Variants in INPP4A observed in about 807,000 individuals in gnomAD.
INPP4A encodes the protein inositol polyphosphate-4-phosphatase type I A.
Under a neutral mutation model 119.8 loss-of-function variants are expected in INPP4A, and 33 were observed. The ratio of observed to expected loss-of-function variants is 0.28; its 90% CI spans 0.21 to 0.37. The LOEUF (loss-of-function observed/expected upper bound fraction) is 0.37. INPP4A is among the 10% of genes least tolerant of loss of function. The pLI, the probability that INPP4A is intolerant of heterozygous loss-of-function variation, is 1.00. For missense variants in INPP4A, 956 were observed against 1,289.9 expected (o/e 0.74, Z 3.97); for synonymous variants, 496 against 500.7 (o/e 0.99, Z 0.12).
At chr2:98,534,461 T>C (rs1482823398) in intron 5 of INPP4A, among the ~76,000 whole-genome samples, 1 of 152,224 alleles carries the variant, frequency 6.6e-6, no homozygotes, top group Non-Finnish European at 1.5e-5. Context: ...CATGAAATTC[T>C]ACTTCAGTAT....
chr2:98,487,009 G>A (rs1679692554), intron 1 of INPP4A, among the ~76,000 whole-genome samples: 1 of 152,234 alleles, frequency 6.6e-6, no homozygotes, highest in African/African-American at 2.4e-5. Context: ...GCAAAGACTA[G>A]TTGATTCAGA....
At position 98,555,781 on chromosome 2, in the gene INPP4A, A is replaced by T. The variant is rs2278206; in HGVS notation, c.1795A>T (p.Thr599Ser). 2.6e-6 allele frequency: 4 copies of T among 1,568,630 alleles called. No individual in the cohort carries two copies. In the African/African-American group the frequency reaches 4.1e-5, roughly 16 times the overall value. Residue 599 changes from threonine (T) to serine (S), a missense_variant, in exon 16 of 25, where the codon ACT (threonine) becomes TCT (serine). Around this residue, in one of 2 missense-constraint regions of INPP4A, gnomAD observed 652 missense variants for 797.9 expected, o/e 0.82. Transcript: ENST00000409851. ...ACCATGCCCCTCCACCATGCCCTCC[A>T]CTGCATGCCATCCTCATCTGACCAC... Reference protein sequence around the residue: ...SSPCPSTMPSTACHPHLTTHC... With the variant: ...SSPCPSTMPSSACHPHLTTHC...
rs1694317595 is a variant in INPP4A at position 98,555,616 on chromosome 2, C to T, written c.1630C>T (p.Leu544=). Residue 544 remains leucine, a synonymous_variant, in exon 16 of 25, where the codon CTG becomes TTG. Coordinates refer to ENST00000409851, the MANE Select transcript of INPP4A (RefSeq NM_001134225.2). ...ECIIQRVDKL[L]QKERLHGEGC... is the part of the protein sequence containing the mutation. Reference sequence around the variant, plus strand: ...CATCATTCAGCGTGTGGACAAGCTGCTGCAGAAGGAGCGGCTGCATGGCGA... The same window carrying T: ...CATCATTCAGCGTGTGGACAAGCTGTTGCAGAAGGAGCGGCTGCATGGCGA... 1 of 1,608,120 alleles carries T rather than the reference C, an allele frequency of 6.2e-7. No individual in the cohort carries two copies. The highest frequency in any genetic ancestry group is 8.5e-7 in the Non-Finnish European group (1 of 1,176,574).
At chr2:98,543,820 G>A in intron 10 of INPP4A, 57 bp from the exon 11 acceptor site, 9 of 1,601,972 alleles carry the variant, frequency 5.6e-6, no homozygotes, top group Non-Finnish European at 6.8e-6. Context: ...GACCTCCTGG[G>A]CCTCTCTGGG....
intron 1 of INPP4A, among the ~76,000 whole-genome samples, chr2:98,516,788 G>T (rs1276052507): frequency 6.6e-6 from 1 of 152,132 alleles, no homozygotes; most frequent in Non-Finnish European, 1.5e-5. Flanking sequence ...AGAGAAGGAG[G>T]AAGACAGTTC....
At chr2:98,517,212 C>T (rs1191329593) in intron 1 of INPP4A, among the ~76,000 whole-genome samples, 4 of 152,154 alleles carry the variant, frequency 2.6e-5, no homozygotes, top group Non-Finnish European at 4.4e-5. Context: ...TAACTTTTCC[C>T]CTTGACGTTG....
intron 1 of INPP4A, among the ~76,000 whole-genome samples, chr2:98,480,900 C>T (rs991916035): frequency 2.0e-5 from 3 of 152,176 alleles, no homozygotes; most frequent in African/African-American, 2.4e-5. Flanking sequence ...GGCAGGGTGC[C>T]GCACACTCTG....
At position 98,520,157 on chromosome 2, in the gene INPP4A, G is replaced by A. The variant is rs1333667194; in HGVS notation, c.106+3G>A. On this transcript the variant is annotated splice_donor_region_variant and intron_variant, in intron 3 of 24. Transcript: ENST00000409851. The stretch of plus-strand genomic sequence containing the variant: ...CATGCTGGGCCTCTCTCTGGCAGGT[G>A]AGCCTCACAGGGCCTGCACCGGGCT... 1.3e-6 allele frequency: 2 copies of A among 1,553,924 alleles called. No individual in the cohort carries two copies. The highest frequency in any genetic ancestry group is 1.7e-6 in the Non-Finnish European group (2 of 1,147,916).
intron 22 of INPP4A, among the ~76,000 whole-genome samples, chr2:98,572,350 C>T (rs1045332047): frequency 6.6e-6 from 1 of 152,236 alleles, no homozygotes; most frequent in Non-Finnish European, 1.5e-5. Flanking sequence ...GTTCTCCTGG[C>T]ATGGGCCAAG....
rs1246679883 is a variant in INPP4A, at chr2:98,588,987, G to A, written c.*1379G>A. 1 of 184,422 alleles carries A rather than the reference G, an allele frequency of 5.4e-6. No homozygotes were observed. The highest frequency in any genetic ancestry group is 6.2e-5 in the Admixed American group (1 of 16,026). The allele number at this position is 184,422 out of a possible 1,614,324, so 11.4% of individuals were successfully genotyped here. Reference sequence around the variant, plus strand: ...AACAAACTTGGGCCAGGGGTGCTGAGGCATGGGGAGGACTGCTTATTGGCA... The same window carrying A: ...AACAAACTTGGGCCAGGGGTGCTGAAGCATGGGGAGGACTGCTTATTGGCA... On this transcript the variant is annotated 3_prime_UTR_variant, in exon 25 of 25. Transcript: ENST00000409851.
rs576212906 is a variant in INPP4A, at chr2:98,594,337, A to G, written c.*6729A>G. The G allele has an allele frequency of 1.3e-5, 2 of 152,366 alleles. No individual in the cohort carries two copies. The highest frequency in any genetic ancestry group is 1.9e-4 in the East Asian group (1 of 5,184). The allele number at this position is 152,366 out of a possible 1,614,324, so 9.4% of individuals were successfully genotyped here. ...TTTGTTCTTAACATACGAACATCCT[A>G]TTCACTTTTTGGTATACTGGTTGTT... On this transcript the variant is annotated 3_prime_UTR_variant, in exon 25 of 25. Coordinates refer to ENST00000409851, the MANE Select transcript of INPP4A (RefSeq NM_001134225.2).
intron 1 of INPP4A, among the ~76,000 whole-genome samples, chr2:98,453,161 G>A (rs1558858861): frequency 6.6e-6 from 1 of 152,190 alleles, no homozygotes; most frequent in Non-Finnish European, 1.5e-5. Flanking sequence ...AAACTAAAGA[G>A]TTGAGATATT....
chr2:98,493,263 C>T (rs1281868956), intron 1 of INPP4A, among the ~76,000 whole-genome samples: 6 of 152,036 alleles, frequency 3.9e-5, no homozygotes, highest in South Asian at 2.1e-4. Flanking sequence ...GAGCCCCCTA[C>T]GTGTCCAGGG....
At chr2:98,535,870 G>C (rs1260231143) in intron 6 of INPP4A, 25 bp downstream of exon 6, 4 of 1,182,500 alleles carry the variant, frequency 3.4e-6, no homozygotes, top group Non-Finnish European at 4.9e-6. Context: ...TGTAGTTCGT[G>C]GGATTTTCTT....
intron 13 of INPP4A, chr2:98,548,914 A>G: frequency 1.3e-6 from 2 of 1,583,884 alleles, no homozygotes; most frequent in East Asian, 2.2e-5. Flanking sequence ...GTATTTGCTA[A>G]CAAACTGCTA....
intron 1 of INPP4A, among the ~76,000 whole-genome samples, chr2:98,458,760 G>A (rs889039452): frequency 6.6e-6 from 1 of 152,200 alleles, no homozygotes; most frequent in African/African-American, 2.4e-5. Flanking sequence ...TAAGTATGCA[G>A]CATGTATGCA....
At chr2:98,587,328 ATGTATTTGT>A (rs1700057280) in intron 24 of INPP4A, 139 bp from the exon 25 acceptor site, 1 of 765,738 alleles carries the variant, frequency 1.3e-6, no homozygotes, top group Non-Finnish European at 1.9e-6. Flanking sequence ...CATCTTACAT[ATGTATTTGT>A]TGTAAATGAG....
At chr2:98,531,085 T>A (rs1689123869) in intron 4 of INPP4A, among the ~76,000 whole-genome samples, 1 of 152,346 alleles carries the variant, frequency 6.6e-6, no homozygotes, top group Non-Finnish European at 1.5e-5. Flanking sequence ...ATGAAGACTC[T>A]ACCCTCATGA....
Position 98,590,012 on chromosome 2 carries a change from A to G in INPP4A, c.*2404A>G, listed in dbSNP as rs1700283227. The G allele has an allele frequency of 2.1e-5, 4 of 190,390 alleles. No individual in the cohort carries two copies. In the Admixed American group the frequency reaches 2.5e-4, roughly 12 times the overall value. The allele number at this position is 190,390 out of a possible 1,614,324, so 11.8% of individuals were successfully genotyped here. A position where few individuals can be genotyped will look rare whatever the true frequency, so the allele number is the denominator to read the frequency against. On this transcript the variant is annotated 3_prime_UTR_variant, in exon 25 of 25. Coordinates refer to ENST00000409851, the MANE Select transcript of INPP4A (RefSeq NM_001134225.2). ...AAGCTTAGTGCATTATGATACCTTT[A>G]TTTATTTGTTTTGGGCAGTATTACT...
Sources: gnomAD v4.1 joint callset for allele counts (sites outside exome capture counted in the v4.1 genomes callset) on GRCh38, gnomAD v4.1.1 for gene constraint, gnomAD v4.1.1 regional missense constraint, MANE v1.5 for transcripts, NCBI Gene and HGNC (gene_info 2026-07-23, HGNC 2026-07-21) for gene names.